Variants in PI16 observed in about 807,000 individuals in gnomAD.
PI16 encodes the protein peptidase inhibitor 16.
Under a neutral mutation model 38.0 loss-of-function variants are expected in PI16, and 35 were observed. That is an observed-to-expected ratio of 0.92 (90% CI 0.70 to 1.22). PI16 has a LOEUF of 1.22. PI16 is among the 50% of genes most tolerant of loss of function. The probability of loss-of-function intolerance (pLI) is 0.00; values close to 1 mark genes in which losing one functional copy is unlikely to be tolerated. For missense variants in PI16, 572 were observed against 593.8 expected (o/e 0.96, Z 0.38); for synonymous variants, 275 against 252.9 (o/e 1.09, Z -0.83).
chr6:36,960,908 T>C (rs554759518), intron 2 of PI16, among the ~76,000 whole-genome samples: 1 of 152,260 alleles, frequency 6.6e-6, no homozygotes, highest in Admixed American at 6.5e-5. Context: ...TTGTTGGACT[T>C]TCTGTTTGAT....
In PI16 at chr6:36,959,163, G is replaced by A; in HGVS notation, c.190G>A (p.Ala64Thr). Reference protein sequence around the residue: ...MLHMRWDEELAAFAKAYARQC... With the variant: ...MLHMRWDEELTAFAKAYARQC... ...CCTGCAGAGATGGGACGAGGAGCTGGCCGCCTTCGCCAAGGCCTACGCACG... is the reference window on the plus strand; with the variant it reads ...CCTGCAGAGATGGGACGAGGAGCTGACCGCCTTCGCCAAGGCCTACGCACG... Residue 64 changes from alanine to threonine, a missense_variant, in exon 2 of 7, where the codon GCC (alanine) becomes ACC (threonine). Coordinates refer to ENST00000373674, the MANE Select transcript of PI16 (RefSeq NM_153370.3). 6.2e-7 allele frequency: 1 copy of A among 1,609,312 alleles called. No individual in the cohort carries two copies. The highest frequency in any genetic ancestry group is 8.5e-7 in the Non-Finnish European group (1 of 1,178,608).
At chr6:36,959,028 A>T (rs978900816) in intron 1 of PI16, 117 bp from the exon 2 acceptor site, 3 of 906,562 alleles carry the variant, frequency 3.3e-6, no homozygotes, top group Non-Finnish European at 5.0e-6. Flanking sequence ...GCCATGCCCA[A>T]GAGTCACCCT....
At chr6:36,951,865 C>G (rs959780994), upstream of PI16, among the ~76,000 whole-genome samples, 1 of 152,088 alleles carries the variant, frequency 6.6e-6, no homozygotes, top group Admixed American at 6.6e-5. Context: ...CGCGAGTGCA[C>G]TCCAGCCTGG....
At chr6:36,955,968 C>T (rs1205096279) in intron 1 of PI16, among the ~76,000 whole-genome samples, 2 of 152,178 alleles carry the variant, frequency 1.3e-5, no homozygotes, top group Non-Finnish European at 2.9e-5. Flanking sequence ...GTTCAGGGAC[C>T]CCTGGAGCTG....
chr6:36,948,879 C>A (rs1236747393), intron 1 of PI16, among the ~76,000 whole-genome samples: 1 of 151,670 alleles, frequency 6.6e-6, no homozygotes, highest in African/African-American at 2.4e-5. Flanking sequence ...ACTGCAACCT[C>A]CGCCTCCTGG....
intron 1 of PI16, among the ~76,000 whole-genome samples, chr6:36,949,651 C>A (rs577010682): frequency 6.6e-6 from 1 of 152,152 alleles, no homozygotes; most frequent in African/African-American, 2.4e-5. Flanking sequence ...TGAATTCTTC[C>A]GATTCTTTTC....
chr6:36,950,786 G>T (rs548422871), upstream of PI16, among the ~76,000 whole-genome samples: 1 of 152,040 alleles, frequency 6.6e-6, no homozygotes, highest in Non-Finnish European at 1.5e-5. The surrounding 1 kb of genome is among the most constrained non-coding windows in gnomAD (Gnocchi z 4.2). Flanking sequence ...CAGGTGATCC[G>T]CCCGCCTCGG....
chr6:36,963,912 C>T lies in PI16; in HGVS notation c.1360C>T (p.Leu454=), dbSNP rs1178350757. 2 of 1,613,808 alleles carry T rather than the reference C, an allele frequency of 1.2e-6. No individual in the cohort carries two copies. Among genetic ancestry groups the T allele is most frequent in the East Asian group, 2.2e-5 (1 of 44,900 alleles). ...VWGPLLGLLL[L]PPLVLAGIF Reference sequence around the variant, plus strand: ...GGGCCCTCTCCTGGGACTACTGCTCCTGCCTCCTCTGGTGTTGGCTGGAAT... The same window carrying T: ...GGGCCCTCTCCTGGGACTACTGCTCTTGCCTCCTCTGGTGTTGGCTGGAAT... Residue 454 remains leucine (L), a synonymous_variant, in exon 6 of 7, where the codon CTG becomes TTG. Transcript: ENST00000373674.
At chr6:36,960,797 G>A (rs940236650) in intron 2 of PI16, among the ~76,000 whole-genome samples, 4 of 151,934 alleles carry the variant, frequency 2.6e-5, no homozygotes, top group Non-Finnish European at 4.4e-5. Flanking sequence ...TGCTCAACAC[G>A]GGGAGACCTT....
intron 1 of PI16, 139 bp downstream of exon 1, chr6:36,955,070 C>G (rs1038377150): frequency 5.4e-5 from 76 of 1,397,092 alleles, no homozygotes; most frequent in Non-Finnish European, 6.8e-5. Context: ...ACAGAGTCCC[C>G]GAGTCCCTGA....
chr6:36,957,452 T>A (rs1763236209), intron 1 of PI16, among the ~76,000 whole-genome samples: 1 of 152,238 alleles, frequency 6.6e-6, no homozygotes, highest in Admixed American at 6.5e-5. Context: ...ATCTGTCATT[T>A]ACCATGTGGT....
intron 1 of PI16, among the ~76,000 whole-genome samples, chr6:36,949,577 T>G (rs1763067580): frequency 6.6e-6 from 1 of 152,188 alleles, no homozygotes; most frequent in Non-Finnish European, 1.5e-5. Flanking sequence ...CTGGTCAGTC[T>G]TCTTTCCTCC....
chr6:36,961,034 C>T (rs1763349410), intron 2 of PI16, among the ~76,000 whole-genome samples: 2 of 152,290 alleles, frequency 1.3e-5, no homozygotes, highest in South Asian at 4.1e-4. Context: ...CTCCTGCTCC[C>T]CTCCTTGGAC....
upstream of PI16, among the ~76,000 whole-genome samples, chr6:36,951,487 C>T (rs1028864023): frequency 1.3e-5 from 2 of 152,100 alleles, no homozygotes; most frequent in African/African-American, 4.8e-5. Context: ...TGGTCTCAAG[C>T]GATCGGCCCG....
chr6:36,955,923 C>T (rs1384919432), intron 1 of PI16, among the ~76,000 whole-genome samples: 1 of 152,212 alleles, frequency 6.6e-6, no homozygotes, highest in Non-Finnish European at 1.5e-5. Context: ...TCCCCTCCAG[C>T]CACCCTCAGG....
rs567913268 is a variant in PI16 at position 36,958,461 on chromosome 6, G to A, written c.172-684G>A. Among the ~76,000 whole-genome samples, 27 of 152,308 alleles carry A rather than the reference G, an allele frequency of 1.8e-4. 1 individual carries two copies. The South Asian group carries it at 4.8e-3, about 27-fold the overall frequency. ...AACACTGTCACTGGGGTCTGACAGTGGGTTACCAAGGCTCTGAAAGTAGGC... is the reference window on the plus strand; with the variant it reads ...AACACTGTCACTGGGGTCTGACAGTAGGTTACCAAGGCTCTGAAAGTAGGC... On this transcript the variant is annotated intron_variant, in intron 1 of 6. Transcript: ENST00000373674.
In PI16 at chr6:36,959,922, A is replaced by G. The variant is rs149555957; in HGVS notation, c.393+556A>G. Among the ~76,000 whole-genome samples, 83 of 151,816 alleles carry G rather than the reference A, an allele frequency of 5.5e-4. 1 individual carries two copies. The East Asian group carries it at 0.012, about 22-fold the overall frequency. Reference sequence around the variant, plus strand: ...AATAAATAAATAAAAAGGGGTGGGGACGGTGGGACATGTTAGGTGTCACAG... The same window carrying G: ...AATAAATAAATAAAAAGGGGTGGGGGCGGTGGGACATGTTAGGTGTCACAG... On this transcript the variant is annotated intron_variant, in intron 2 of 6. Coordinates refer to ENST00000373674, the MANE Select transcript of PI16 (RefSeq NM_153370.3).
At chr6:36,953,181 G>A (rs1164119103), upstream of PI16, among the ~76,000 whole-genome samples, 3 of 151,952 alleles carry the variant, frequency 2.0e-5, no homozygotes, top group Admixed American at 6.6e-5. Context: ...GCCGGGCATG[G>A]TAGCAGCTAT....
chr6:36,959,325 G>A lies in PI16; in HGVS notation c.352G>A (p.Ala118Thr). Residue 118 changes from alanine (A) to threonine (T), a missense_variant, in exon 2 of 7, where the codon GCC (alanine) becomes ACC (threonine). Ala to Thr is a moderately conservative substitution (Grantham distance 58). Transcript: ENST00000373674. ...HEREHYNLSA[A>T]TCSPGQMCGH... ...GCGTGAGCACTACAACCTCAGCGCC[G>A]CCACCTGCAGCCCAGGCCAGATGTG... 6.4e-7 allele frequency: 1 copy of A among 1,571,498 alleles called. No individual in the cohort carries two copies. Among genetic ancestry groups the A allele is most frequent in the Non-Finnish European group, 8.6e-7 (1 of 1,158,672 alleles).
Sources: gnomAD v4.1 joint callset for allele counts (sites outside exome capture counted in the v4.1 genomes callset) on GRCh38, gnomAD v4.1.1 for gene constraint, Gnocchi (gnomAD v3.1) non-coding constraint, MANE v1.5 for transcripts, NCBI Gene and HGNC (gene_info 2026-07-23, HGNC 2026-07-21) for gene names.